The following ABR variants were observed in gnomAD, a reference collection of about 807,000 sequenced individuals.
ABR encodes ABR activator of RhoGEF and GTPase.
Under a neutral mutation model 107.2 loss-of-function variants are expected in ABR, and 35 were observed. The ratio of observed to expected loss-of-function variants is 0.33; its 90% confidence interval spans 0.25 to 0.43. The LOEUF (loss-of-function observed/expected upper bound fraction) is 0.43. ABR is among the 20% of genes least tolerant of loss of function. The probability of loss-of-function intolerance (pLI) is 1.00; values close to 1 mark genes in which losing one functional copy is unlikely to be tolerated. For missense variants in ABR, 815 were observed against 1,115.2 expected, an observed-to-expected ratio of 0.73 and a Z score of 3.83; for synonymous variants, 498 against 462.0, an observed-to-expected ratio of 1.08 and a Z score of -1.00.
chr17:1,086,604 G>A (rs1174005489), intron 4 of ABR, among the ~76,000 whole-genome samples: 1 of 151,726 alleles, frequency 6.6e-6, no homozygotes. Flanking sequence ...GGGTTCAAGT[G>A]ATTCTCCTGC....
chr17:1,153,819 G>T, intron 1 of ABR: 1 of 228,130 alleles, frequency 4.4e-6, no homozygotes, highest in Non-Finnish European at 8.9e-6. Context: ...CGGGAGGGCT[G>T]GGTCCAGGTC....
At chr17:1,123,930 G>C (rs1263100256) in intron 2 of ABR, among the ~76,000 whole-genome samples, 1 of 152,156 alleles carries the variant, frequency 6.6e-6, no homozygotes, top group African/African-American at 2.4e-5. Flanking sequence ...CTTAGGGCAG[G>C]TCAACAACAC....
At position 1,030,422 on chromosome 17, in the gene ABR, C is replaced by T. The variant is rs563231877; in HGVS notation, c.1792-17258G>A. On this transcript the variant is annotated intron_variant, in intron 16 of 22. Transcript: ENST00000302538. ...AGGGGCTGGGGAGGGGATGAGTCCACGCTGCCGGGCACAGACAGCTGCCTC... is the reference window on the plus strand; with the variant it reads ...AGGGGCTGGGGAGGGGATGAGTCCATGCTGCCGGGCACAGACAGCTGCCTC... Among the ~76,000 whole-genome samples the T allele has an allele frequency of 2.0e-3, 310 of 152,322 alleles. 1 individual carries two copies. Among genetic ancestry groups the T allele is most frequent in the Middle Eastern group, 3.4e-3 (1 of 294 alleles).
At position 1,012,763 on chromosome 17, in the gene ABR, C is replaced by T. The variant is rs763675399; in HGVS notation, c.1886G>A (p.Arg629Gln). The change falls in exon 18 of 23, where the codon CGA becomes CAA. Residue 629 changes from arginine to glutamine, a missense_variant. By Grantham distance (43) the Arg-to-Gln change is conservative (BLOSUM62 1). Around this residue, in one of 5 missense-constraint regions of ABR, gnomAD observed 92 missense variants for 82.3 expected, o/e 1.12. Transcript: ENST00000302538. ...CGGGGTCCTCTTCAGGCTCATATCT[C>T]GGCTGGTGAATTTCATGGAAAATTC... Reference protein sequence around the residue: ...KVEFSMKFTSRDMSLKRTPSK... With the variant: ...KVEFSMKFTSQDMSLKRTPSK... 3.1e-6 allele frequency: 5 copies of T among 1,595,492 alleles called. No homozygotes were observed. Among genetic ancestry groups the T allele is most frequent in the South Asian group, 2.3e-5 (2 of 87,998 alleles).
At chr17:1,184,017 C>G (rs146773667), upstream of ABR, among the ~76,000 whole-genome samples, 251 of 151,898 alleles carry the variant, frequency 1.7e-3, no homozygotes, top group African/African-American at 5.7e-3. Context: ...TCGAGACCAT[C>G]CTGGCCAGCA....
At chr17:1,221,883 G>A (rs12944286) in intron 1 of ABR, among the ~76,000 whole-genome samples, 75,802 of 151,958 alleles carry the variant, frequency 0.5, 19,502 homozygotes, top group Middle Eastern at 0.56. Flanking sequence ...AACACCTCTG[G>A]AGTAGGGACA....
At chr17:1,108,814 C>CCTCACGGA in intron 2 of ABR, 1 of 1,227,440 alleles carries the variant, frequency 8.1e-7, no homozygotes, top group Non-Finnish European at 1.1e-6. Context: ...GGGCCGGGAC[C>CCTCACGGA]CTCCGCCGAG....
At chr17:1,105,806 C>T (rs1280742207) in intron 2 of ABR, among the ~76,000 whole-genome samples, 3 of 151,598 alleles carry the variant, frequency 2.0e-5, no homozygotes, top group Non-Finnish European at 2.9e-5. Context: ...GTGGAGGCCA[C>T]AGAGAGCCAT....
chr17:1,031,060 C>T (rs2072692505), intron 16 of ABR, among the ~76,000 whole-genome samples: 1 of 152,218 alleles, frequency 6.6e-6, no homozygotes, highest in South Asian at 2.1e-4. Context: ...GACGGAACGC[C>T]TGGTGCCCGG....
chr17:1,078,796 A>G lies in ABR; in HGVS notation c.700+534T>C. ...GGTGGGAGGGTCCGCCACCTCCCAC[A>G]GCGAGCACCTGGGTTACCATAGGTG... On this transcript the variant is annotated intron_variant, in intron 6 of 22. Transcript: ENST00000302538. This position sits in a 1 kb window ranked among gnomAD's most constrained non-coding sequence, Gnocchi z 7.5. The G allele has an allele frequency of 1.3e-6, 2 of 1,535,150 alleles. No individual in the cohort carries two copies. Among genetic ancestry groups the G allele is most frequent in the Non-Finnish European group, 1.7e-6 (2 of 1,146,592 alleles).
chr17:1,083,092 C>G (rs2036359140), intron 5 of ABR, among the ~76,000 whole-genome samples: 1 of 147,342 alleles, frequency 6.8e-6, no homozygotes, highest in Non-Finnish European at 1.5e-5. Flanking sequence ...CCACTGCACT[C>G]CAGCCTGGGC....
chr17:1,122,046 G>T (rs553737045), intron 2 of ABR, among the ~76,000 whole-genome samples: 1 of 152,302 alleles, frequency 6.6e-6, no homozygotes, highest in Non-Finnish European at 1.5e-5. Flanking sequence ...GGGATTACAG[G>T]CATGTGCCAC....
chr17:1,108,566 C>T (rs2038414918), intron 2 of ABR, among the ~76,000 whole-genome samples: 1 of 152,274 alleles, frequency 6.6e-6, no homozygotes, highest in Non-Finnish European at 1.5e-5. Context: ...GACACCAAGT[C>T]CCTGTCTCCT....
At chr17:1,014,266 C>T (rs1166251113) in intron 16 of ABR, among the ~76,000 whole-genome samples, 3 of 150,446 alleles carry the variant, frequency 2.0e-5, no homozygotes, top group African/African-American at 7.4e-5. Flanking sequence ...ACGGTGAAAC[C>T]CCGTCTCTAC....
At chr17:1,201,015 G>A (rs369020012) in intron 1 of ABR, among the ~76,000 whole-genome samples, 2 of 152,154 alleles carry the variant, frequency 1.3e-5, no homozygotes, top group East Asian at 1.9e-4. Flanking sequence ...TAAGGAGGAT[G>A]GGGGGAGGAA....
At chr17:1,194,904 G>A (rs1283748258) in intron 1 of ABR, among the ~76,000 whole-genome samples, 18 of 130,786 alleles carry the variant, frequency 1.4e-4, no homozygotes, top group African/African-American at 3.7e-4. Context: ...CACCCACCTC[G>A]GCCTCCTAAA....
chr17:1,072,652 C>T lies in ABR; in HGVS notation c.856G>A (p.Asp286Asn), dbSNP rs766375955. The T allele has an allele frequency of 3.1e-6, 5 of 1,612,044 alleles. No homozygotes were observed. Among genetic ancestry groups the T allele is most frequent in the East Asian group, 2.2e-5 (1 of 44,754 alleles). Reference protein sequence around the residue: ...NFLSSINEDIDPRRTAVTTPK... With the variant: ...NFLSSINEDINPRRTAVTTPK... ...GTTGTCACTGCAGTCCGGCGGGGGT[C>T]GATGTCCTCGTTGATGCTGGACAGG... The change falls in exon 8 of 23, where the codon GAC (aspartate) becomes AAC (asparagine). Residue 286 changes from aspartate to asparagine, a missense_variant. By Grantham distance (23) the Asp-to-Asn change is conservative (BLOSUM62 1). Transcript: ENST00000302538.
In ABR at chr17:1,010,015, AC is replaced by A; in HGVS notation, c.2237-232del. ...CCAGGAGGCCGGCTGGTGGGAGCAG[AC>A]CCCCTTCCTGCAGCTGACTGCATAG... On this transcript the variant is annotated intron_variant, in intron 20 of 22. Coordinates refer to ENST00000302538, the MANE Select transcript of ABR (RefSeq NM_021962.5). This position sits in a 1 kb window ranked among gnomAD's most constrained non-coding sequence, Gnocchi z 4.1. The A allele has an allele frequency of 1.7e-6, 1 of 589,030 alleles. No individual in the cohort carries two copies. The highest frequency in any genetic ancestry group is 3.0e-6 in the Non-Finnish European group (1 of 330,380). 36.5% of individuals were successfully genotyped at this position (589,030 alleles called of 1,614,324 possible).
At chr17:1,145,240 C>G (rs1321985373) in intron 1 of ABR, among the ~76,000 whole-genome samples, 1 of 152,114 alleles carries the variant, frequency 6.6e-6, no homozygotes, top group Non-Finnish European at 1.5e-5. Flanking sequence ...TCCTAATAAT[C>G]CTCCTCATCT....
Sources: allele counts gnomAD v4.1 joint callset (sites outside exome capture counted in the v4.1 genomes callset), GRCh38; gene constraint gnomAD v4.1.1; regional missense constraint gnomAD v4.1.1; non-coding constraint Gnocchi (gnomAD v3.1); transcripts MANE v1.5; gene names NCBI Gene and HGNC (gene_info 2026-07-23, HGNC 2026-07-21).